The following SCHIP1 variants were observed in gnomAD, a reference collection of about 807,000 sequenced individuals.
The protein encoded by SCHIP1 is schwannomin interacting protein 1.
A neutral mutation model predicts 29.7 loss-of-function variants in SCHIP1; 8 were observed. The ratio of observed to expected loss-of-function variants is 0.27; its 90% CI spans 0.16 to 0.49. SCHIP1 has a LOEUF of 0.49. Ranked by LOEUF, SCHIP1 falls within the 20% of genes least tolerant of loss-of-function variation. SCHIP1 has a pLI of 0.99. For missense variants in SCHIP1, 193 were observed against 294.6 expected (o/e 0.66, Z 2.52); for synonymous variants, 76 against 94.9 (o/e 0.80, Z 1.16).
the SCHIP1 span, among the ~76,000 whole-genome samples, chr3:159,608,539 C>G: frequency 8.5e-5 from 13 of 152,302 alleles, no homozygotes; most frequent in South Asian, 2.5e-3. Flanking sequence ...GTCTTACTAA[C>G]TTACCAGAGA....
chr3:159,326,711 T>C, the SCHIP1 span, among the ~76,000 whole-genome samples: 4 of 152,178 alleles, frequency 2.6e-5, no homozygotes, highest in African/African-American at 9.6e-5. Context: ...ATCTTGATCA[T>C]TTTGTGAGTG....
chr3:159,878,924 C>CA (rs146047161), intron 2 of SCHIP1, among the ~76,000 whole-genome samples: 190 of 145,120 alleles, frequency 1.3e-3, no homozygotes, highest in East Asian at 1.2e-3. Flanking sequence ...ACTCTTTCAC[C>CA]AAAAAAAAAA....
At chr3:159,532,124 T>C in the SCHIP1 span, among the ~76,000 whole-genome samples, 4 of 152,224 alleles carry the variant, frequency 2.6e-5, no homozygotes, top group African/African-American at 9.6e-5. Context: ...CATATGATTG[T>C]CTTGCTGTGG....
At chr3:159,292,453 T>A in the SCHIP1 span, among the ~76,000 whole-genome samples, 1 of 152,186 alleles carries the variant, frequency 6.6e-6, no homozygotes. Context: ...TATAATGATA[T>A]GTGTTCTTTG....
chr3:159,765,270 C>A, the SCHIP1 span: 1 of 1,075,094 alleles, frequency 9.3e-7, no homozygotes, highest in Non-Finnish European at 1.3e-6. Context: ...GGGGGCCAGG[C>A]CAGAGAGCCT....
chr3:159,828,399 A>ATATATATACGTATATATACG, the SCHIP1 span, among the ~76,000 whole-genome samples: 44 of 49,634 alleles, frequency 8.9e-4, 1 homozygote, highest in African/African-American at 4.5e-3. Flanking sequence ...ATATATACGT[A>ATATATATACGTATATATACG]TATATATACG....
At chr3:159,581,441 T>A in the SCHIP1 span, among the ~76,000 whole-genome samples, 38 of 152,288 alleles carry the variant, frequency 2.5e-4, no homozygotes, top group African/African-American at 8.4e-4. Flanking sequence ...GACAATAACC[T>A]TTCTACTTCA....
the SCHIP1 span, among the ~76,000 whole-genome samples, chr3:159,588,172 A>G: frequency 3.9e-5 from 6 of 152,158 alleles, no homozygotes; most frequent in Non-Finnish European, 8.8e-5. Flanking sequence ...TAACTGGTGT[A>G]AGATGGTATC....
At chr3:159,714,292 C>A in the SCHIP1 span, among the ~76,000 whole-genome samples, 1 of 152,088 alleles carries the variant, frequency 6.6e-6, no homozygotes, top group Non-Finnish European at 1.5e-5. Flanking sequence ...ATAGGAACAG[C>A]TCCAGTCTAC....
chr3:159,459,347 G>A, the SCHIP1 span, among the ~76,000 whole-genome samples: 1 of 152,092 alleles, frequency 6.6e-6, no homozygotes, highest in Admixed American at 6.6e-5. Context: ...TTAATAAAAT[G>A]AAGATTGAGG....
At chr3:159,733,506 T>C in the SCHIP1 span, among the ~76,000 whole-genome samples, 6 of 152,298 alleles carry the variant, frequency 3.9e-5, no homozygotes, top group Non-Finnish European at 5.9e-5. Flanking sequence ...AGATGCTAAA[T>C]TACAGGGCTT....
At chr3:159,293,392 A>G in the SCHIP1 span, among the ~76,000 whole-genome samples, 4 of 152,182 alleles carry the variant, frequency 2.6e-5, no homozygotes, top group Non-Finnish European at 5.9e-5. Context: ...GCATTTGTGA[A>G]CTTATACAGG....
At chr3:159,699,157 C>G in the SCHIP1 span, among the ~76,000 whole-genome samples, 7 of 152,154 alleles carry the variant, frequency 4.6e-5, no homozygotes. Flanking sequence ...TATGCTAACA[C>G]TCATAATAAT....
chr3:159,563,849 A>T, the SCHIP1 span, among the ~76,000 whole-genome samples: 2 of 152,162 alleles, frequency 1.3e-5, no homozygotes, highest in African/African-American at 2.4e-5. Context: ...AGTAGAAGGA[A>T]AAACAGCAAT....
At chr3:159,742,106 G>A in the SCHIP1 span, among the ~76,000 whole-genome samples, 3 of 152,078 alleles carry the variant, frequency 2.0e-5, no homozygotes, top group Non-Finnish European at 2.9e-5. Context: ...GGCGCCTGTA[G>A]CCCCAGCTAC....
the SCHIP1 span, among the ~76,000 whole-genome samples, chr3:159,508,049 C>T: frequency 6.6e-6 from 1 of 152,182 alleles, no homozygotes; most frequent in African/African-American, 2.4e-5. Flanking sequence ...ATGGTACCAG[C>T]TCCTCCTTGT....
chr3:159,890,728 T>G (rs991319808), intron 5 of SCHIP1, among the ~76,000 whole-genome samples: 1 of 152,194 alleles, frequency 6.6e-6, no homozygotes, highest in African/African-American at 2.4e-5. Context: ...TGCCATCTAG[T>G]CCTTTTCAGG....
chr3:159,301,231 G>A, the SCHIP1 span, among the ~76,000 whole-genome samples: 2,904 of 152,150 alleles, frequency 0.019, 98 homozygotes, highest in African/African-American at 0.067. Flanking sequence ...AAACAGAAGG[G>A]CTAAGTGGCT....
chr3:159,515,908 T>G, the SCHIP1 span, among the ~76,000 whole-genome samples: 1 of 150,438 alleles, frequency 6.6e-6, no homozygotes, highest in African/African-American at 2.5e-5. Flanking sequence ...AGAAAATAAA[T>G]AAGATAAATG....
Sources: gnomAD v4.1 joint callset for allele counts (sites outside exome capture counted in the v4.1 genomes callset) on GRCh38, gnomAD v4.1.1 for gene constraint, MANE v1.5 for transcripts, NCBI Gene and HGNC (gene_info 2026-07-23, HGNC 2026-07-21) for gene names.